Variants in GLE1 observed in about 807,000 individuals in gnomAD.
GLE1 encodes the protein GLE1 RNA export mediator.
A neutral mutation model predicts 97.3 loss-of-function variants in GLE1; 78 were observed. The ratio of observed to expected loss-of-function variants is 0.80; its 90% CI spans 0.67 to 0.97. The LOEUF is 0.97. GLE1 is among the 50% of genes least tolerant of loss of function. The pLI is 0.00. For synonymous variants in GLE1, 302 were observed against 313.4 expected, an observed-to-expected ratio of 0.96 and a Z score of 0.39; for missense variants, 753 against 857.5, an observed-to-expected ratio of 0.88 and a Z score of 1.52.
chr9:128,531,454 G>A (rs918295392), intron 9 of GLE1, among the ~76,000 whole-genome samples: 12 of 151,054 alleles, frequency 7.9e-5, no homozygotes, highest in African/African-American at 2.7e-4. Flanking sequence ...TTCAACCCAG[G>A]AGCGGAGGTT....
chr9:128,514,639 G>A (rs933593718), intron 2 of GLE1, among the ~76,000 whole-genome samples: 1 of 151,860 alleles, frequency 6.6e-6, no homozygotes, highest in Non-Finnish European at 1.5e-5. Context: ...ACTTGTGTAT[G>A]TTTGGTAGAG....
intron 9 of GLE1, among the ~76,000 whole-genome samples, chr9:128,532,209 C>CTTTTTTTTTTTTTTTTTTTT (rs1160924908): frequency 2.0e-5 from 1 of 49,386 alleles, no homozygotes; most frequent in Non-Finnish European, 3.6e-5. Context: ...ATCTGCTTTG[C>CTTTTTTTTTTTTTTTTTTTT]TTTTTTTTTT....
intron 2 of GLE1, among the ~76,000 whole-genome samples, chr9:128,510,153 G>A (rs556058034): frequency 5.9e-5 from 9 of 151,818 alleles, no homozygotes; most frequent in Admixed American, 4.6e-4. Flanking sequence ...CACCTCCCAG[G>A]CTCAATCCAC....
chr9:128,532,187 A>T (rs1847534949), intron 9 of GLE1, among the ~76,000 whole-genome samples: 1 of 147,398 alleles, frequency 6.8e-6, no homozygotes, highest in African/African-American at 2.5e-5. Context: ...CAGGTAATGG[A>T]AAGTAATTCA....
chr9:128,537,755 A>C (rs976586578), intron 12 of GLE1, among the ~76,000 whole-genome samples: 1 of 152,202 alleles, frequency 6.6e-6, no homozygotes, highest in African/African-American at 2.4e-5. Flanking sequence ...GGCTGCAGTG[A>C]TCCATGATCG....
chr9:128,540,160 G>A (rs1847842956), intron 14 of GLE1, 115 bp from the exon 15 acceptor site: 2 of 772,966 alleles, frequency 2.6e-6, no homozygotes, highest in Non-Finnish European at 4.6e-6. Flanking sequence ...AGGCCTCGGT[G>A]AGCTATGATC....
intron 9 of GLE1, among the ~76,000 whole-genome samples, chr9:128,529,642 G>T (rs1847421105): frequency 6.6e-6 from 1 of 151,872 alleles, no homozygotes; most frequent in Non-Finnish European, 1.5e-5. Flanking sequence ...CCTCCATGGT[G>T]CCATTACTTT....
chr9:128,532,852 T>TA (rs1476117139), intron 9 of GLE1, among the ~76,000 whole-genome samples: 1 of 152,118 alleles, frequency 6.6e-6, no homozygotes, highest in Non-Finnish European at 1.5e-5. Context: ...ATATAGCTGT[T>TA]ACGAATCCAC....
At chr9:128,540,063 A>C (rs989971841) in intron 14 of GLE1, among the ~76,000 whole-genome samples, 1 of 152,124 alleles carries the variant, frequency 6.6e-6, no homozygotes, top group Non-Finnish European at 1.5e-5. Flanking sequence ...CTACAAAAAA[A>C]AAATTAGCCA....
At chr9:128,522,465 G>T (rs1847177792) in intron 3 of GLE1, among the ~76,000 whole-genome samples, 2 of 152,008 alleles carry the variant, frequency 1.3e-5, no homozygotes, top group Non-Finnish European at 2.9e-5. Context: ...GACCATCCTG[G>T]CCAACATGGT....
rs1564161196 is a variant in GLE1 at position 128,539,648 on chromosome 9, G to A, written c.1914G>A (p.Gln638=). The A allele has an allele frequency of 1.2e-6, 2 of 1,612,256 alleles. No individual in the cohort carries two copies. Among genetic ancestry groups the A allele is most frequent in the Non-Finnish European group, 1.7e-6 (2 of 1,178,334 alleles). The stretch of plus-strand genomic sequence containing the variant: ...GGAATGCCCTCATGAAGCAATACCA[G>A]GTTCAGTTCTGGAAGATGCTAATTC... ...VCGNALMKQY[Q]VQFWKMLILI... The change falls in exon 14 of 16, where the codon CAG becomes CAA. Residue 638 remains glutamine, a synonymous_variant. Transcript: ENST00000309971.
At chr9:128,537,215 G>T (rs540890671) in intron 12 of GLE1, among the ~76,000 whole-genome samples, 3 of 151,786 alleles carry the variant, frequency 2.0e-5, no homozygotes, top group Non-Finnish European at 4.4e-5. Flanking sequence ...CACTTTGGGA[G>T]GCTGAGGTGG....
rs190673897 is a variant in GLE1, at chr9:128,536,432, G to A, written c.1724G>A (p.Arg575His). Residue 575 changes from arginine (R) to histidine (H), a missense_variant, in exon 12 of 16, where the codon CGT becomes CAT. Transcript: ENST00000309971. ...CTAAAACGCATGTCAGGGATGATCC[G>A]TCTCTACGCTGCTATCATCCAGCTC... ...NFLKRMSGMI[R>H]LYAAIIQLRW... 44 of 1,614,006 alleles carry A rather than the reference G, an allele frequency of 2.7e-5. No homozygotes were observed. The highest frequency in any genetic ancestry group is 8.3e-5 in the Admixed American group (5 of 60,004).
chr9:128,515,356 AG>A (rs1343253487), intron 2 of GLE1, among the ~76,000 whole-genome samples, 172 bp from the exon 3 acceptor site: 1 of 152,222 alleles, frequency 6.6e-6, no homozygotes, highest in Non-Finnish European at 1.5e-5. Context: ...ATTAGAACAA[AG>A]TCAATGTCAT....
rs555690182 is a variant in GLE1 at position 128,531,118 on chromosome 9, G to A, written c.1313-2395G>A. Reference sequence around the variant, plus strand: ...AATCCCAGCTACTCAGGAGGCTGAGGCAGGAGGATCTCTTGAACCCAGGAG... The same window carrying A: ...AATCCCAGCTACTCAGGAGGCTGAGACAGGAGGATCTCTTGAACCCAGGAG... On this transcript the variant is annotated intron_variant, in intron 9 of 15. Coordinates refer to ENST00000309971, the MANE Select transcript of GLE1 (RefSeq NM_001003722.2). Among the ~76,000 whole-genome samples the A allele has an allele frequency of 1.7e-4, 26 of 151,274 alleles. No individual in the cohort carries two copies. The South Asian group carries it at 5.0e-3, about 29-fold the overall frequency.
intron 3 of GLE1, among the ~76,000 whole-genome samples, chr9:128,521,525 C>T (rs1847152068): frequency 6.6e-6 from 1 of 152,076 alleles, no homozygotes; most frequent in Non-Finnish European, 1.5e-5. Flanking sequence ...CAGGGTGAGA[C>T]CCTGTCTCAA....
chr9:128,522,842 G>A, intron 4 of GLE1, 26 bp downstream of exon 4: 1 of 1,612,524 alleles, frequency 6.2e-7, no homozygotes, highest in Non-Finnish European at 8.5e-7. Context: ...TTATGACTGG[G>A]AATGTTGATG....
Position 128,533,950 on chromosome 9 carries a change from A to T in GLE1, c.1645A>T (p.Arg549Trp), listed in dbSNP as rs766967304. The change falls in exon 11 of 16, where the codon AGG becomes TGG. Residue 549 changes from arginine to tryptophan, a missense_variant and splice_region_variant. Transcript: ENST00000309971. ...GGGAATGGCTTTGGAAGACTATCAG[A>T]GGTAAAGTTGTTTTTCTCCCTACTC... is the stretch of plus-strand genomic sequence containing the variant. ...KEGMALEDYQ[R>W]MLGYQVKDSK... 3.8e-6 allele frequency: 6 copies of T among 1,599,566 alleles called. No individual in the cohort carries two copies. Among genetic ancestry groups the T allele is most frequent in the Non-Finnish European group, 5.1e-6 (6 of 1,166,816 alleles).
intron 12 of GLE1, 50 bp from the exon 13 acceptor site, chr9:128,537,936 G>C (rs1238621783): frequency 9.2e-7 from 1 of 1,087,992 alleles, no homozygotes; most frequent in Non-Finnish European, 1.4e-6. Context: ...TGGGAGTTTA[G>C]ATTTCTAAAC....
Sources: allele counts gnomAD v4.1 joint callset (sites outside exome capture counted in the v4.1 genomes callset), GRCh38; gene constraint gnomAD v4.1.1; transcripts MANE v1.5; gene names NCBI Gene and HGNC (gene_info 2026-07-23, HGNC 2026-07-21).